Variants in BAHCC1 observed in about 807,000 individuals in gnomAD.
BAHCC1 encodes BAH domain and coiled-coil containing 1.
BAHCC1 carries 43 observed loss-of-function variants against 88.2 expected under a neutral mutation model. The observed-to-expected ratio is 0.49, with a 90% confidence interval of 0.38 to 0.63. The LOEUF is 0.63. Among genes scored for constraint, BAHCC1 ranks in the 20% least tolerant of loss-of-function variants. The pLI is 0.00. For synonymous variants in BAHCC1, 1,510 were observed against 745.5 expected (o/e 2.03, Z -16.71); for missense variants, 3,023 against 1,654.8 (o/e 1.83, Z -14.34).
rs868996063 is a variant in BAHCC1, at chr17:81,448,329, G to T, written c.3976+481G>T. 3.3e-5 allele frequency among the ~76,000 whole-genome samples: 5 copies of T among 152,244 alleles called. No individual in the cohort carries two copies. In the South Asian group the frequency reaches 8.3e-4, roughly 25 times the overall value. ...GAGGCTGGGGCTCCTGCTGCAGGGAGGCCTATGGGACTGGGAGCTCCTGGG... is the reference window on the plus strand; with the variant it reads ...GAGGCTGGGGCTCCTGCTGCAGGGATGCCTATGGGACTGGGAGCTCCTGGG... On this transcript the variant is annotated intron_variant, in intron 11 of 27. Transcript: ENST00000675386.
chr17:81,440,139 G>A (rs2064391024), intron 4 of BAHCC1, among the ~76,000 whole-genome samples: 1 of 152,196 alleles, frequency 6.6e-6, no homozygotes, highest in African/African-American at 2.4e-5. Context: ...AGCTCCTGTG[G>A]ACGGGCTCTG....
At chr17:81,463,293 AT>A (rs1365243459) in intron 27 of BAHCC1, among the ~76,000 whole-genome samples, 2 of 152,158 alleles carry the variant, frequency 1.3e-5, no homozygotes, top group East Asian at 3.9e-4. Flanking sequence ...TGAGACAGAA[AT>A]TGCACTCAGC....
At chr17:81,446,526 C>CCTT (rs2064530764) in intron 10 of BAHCC1, among the ~76,000 whole-genome samples, 2 of 49,224 alleles carry the variant, frequency 4.1e-5, no homozygotes, top group Admixed American at 2.9e-4. Flanking sequence ...CTGCTCACAC[C>CCTT]TTTTTTTTTT....
chr17:81,445,928 G>A (rs1284739297), intron 10 of BAHCC1, among the ~76,000 whole-genome samples: 2 of 152,258 alleles, frequency 1.3e-5, no homozygotes, highest in Non-Finnish European at 2.9e-5. Context: ...GGAGGAAGAC[G>A]GGGTCCCGCT....
chr17:81,461,688 A>G lies in BAHCC1; in HGVS notation c.7025A>G (p.Asn2342Ser). The change falls in exon 26 of 28, where the codon AAC becomes AGC. Residue 2342 changes from asparagine (N) to serine (S), a missense_variant. By Grantham distance (46) the Asn-to-Ser change is conservative (BLOSUM62 1). Transcript: ENST00000675386. ...ACCTCCAGCCTCTGCTCCTCCGACA[A>G]CGAGGACTCGTCCTACAGCTCAGAC... ...VSTSSLCSSD[N>S]EDSSYSSDDE... is the part of the protein sequence containing the mutation. 1.4e-6 allele frequency: 1 copy of G among 721,900 alleles called. No individual in the cohort carries two copies. The allele number at this position is 721,900 out of a possible 1,614,324, so 44.7% of individuals were successfully genotyped here.
At chr17:81,438,602 C>T (rs1388431974) in intron 4 of BAHCC1, 110 bp downstream of exon 4, 1 of 675,484 alleles carries the variant, frequency 1.5e-6, no homozygotes, top group Non-Finnish European at 2.7e-6. Flanking sequence ...GCCCTCCCAC[C>T]AGGTGTCATC....
intron 2 of BAHCC1, among the ~76,000 whole-genome samples, chr17:81,412,046 C>G (rs1335286174): frequency 6.6e-6 from 1 of 152,262 alleles, no homozygotes; most frequent in Admixed American, 6.5e-5. Context: ...AGCTGGTGAC[C>G]CCCAGGAGGC....
rs375527422 is a variant in BAHCC1, at chr17:81,458,474, T to C, written c.5343+8T>C. 18 of 700,190 alleles carry C rather than the reference T, an allele frequency of 2.6e-5. No homozygotes were observed. Among genetic ancestry groups the C allele is most frequent in the Admixed American group, 1.4e-4 (7 of 51,612 alleles). The allele number at this position is 700,190 out of a possible 1,614,324, so 43.4% of individuals were successfully genotyped here. ...CTGCAGCCAGTGCTGCGGGTGAGGC[T>C]GGGCTCTGGGGTGCTGGGCGGAGAG... On this transcript the variant is annotated splice_region_variant and intron_variant, in intron 18 of 27. Transcript: ENST00000675386.
intron 3 of BAHCC1, among the ~76,000 whole-genome samples, chr17:81,432,514 C>A (rs2064272098): frequency 6.6e-6 from 1 of 150,676 alleles, no homozygotes; most frequent in East Asian, 2.0e-4. Context: ...TGAGGGCGGC[C>A]CCAGCCTCGG....
intron 2 of BAHCC1, among the ~76,000 whole-genome samples, chr17:81,419,789 G>GT (rs1212230338): frequency 3.0e-4 from 43 of 144,714 alleles, no homozygotes; most frequent in Non-Finnish European, 5.9e-4. Flanking sequence ...TCAACGAGGC[G>GT]TTTTTTTTTT....
intron 6 of BAHCC1, 172 bp downstream of exon 6, chr17:81,444,089 G>T: frequency 1.6e-6 from 1 of 608,396 alleles, no homozygotes; most frequent in South Asian, 1.9e-5. Context: ...CTCACCCGGG[G>T]TTGGGGGTCT....
intron 5 of BAHCC1, 57 bp from the exon 6 acceptor site, chr17:81,443,752 C>G (rs781933829): frequency 1.4e-6 from 1 of 699,654 alleles, no homozygotes; most frequent in Non-Finnish European, 2.6e-6. Context: ...CTTGCCTTAG[C>G]TGGTGGCTCC....
rs1219413166 is a variant in BAHCC1, at chr17:81,446,209, AAAACCC to A, written c.3163+529_3163+534del. 3.3e-5 allele frequency among the ~76,000 whole-genome samples: 5 copies of A among 152,186 alleles called. No homozygotes were observed. In the East Asian group the frequency reaches 9.6e-4, roughly 29 times the overall value. ...ACACTGGAAACCGTGTGGCGAACATAAAACCCGTCCTAGTTTCACAGTCAGGAGATG... is the reference window on the plus strand; with the variant it reads ...ACACTGGAAACCGTGTGGCGAACATAGTCCTAGTTTCACAGTCAGGAGATG... On this transcript the variant is annotated intron_variant, in intron 10 of 27. Transcript: ENST00000675386.
At chr17:81,424,872 GA>G (rs2064156803) in intron 2 of BAHCC1, among the ~76,000 whole-genome samples, 1 of 151,654 alleles carries the variant, frequency 6.6e-6, no homozygotes, top group African/African-American at 2.4e-5. Context: ...TGGTGATGAT[GA>G]TGGTAGGTGA....
chr17:81,433,435 T>C (rs1238030859), intron 3 of BAHCC1, among the ~76,000 whole-genome samples: 4 of 151,722 alleles, frequency 2.6e-5, no homozygotes, highest in Admixed American at 1.3e-4. Flanking sequence ...AGGCCCCTCC[T>C]GTGCCCAGGG....
Position 81,462,003 on chromosome 17 carries a change from T to A in BAHCC1, c.7340T>A (p.Leu2447Gln). 1.3e-6 allele frequency: 1 copy of A among 778,238 alleles called. No individual in the cohort carries two copies. The highest frequency in any genetic ancestry group is 2.4e-5 in the East Asian group (1 of 41,210). The allele number at this position is 778,238 out of a possible 1,614,324, so 48.2% of individuals were successfully genotyped here. A position where few individuals can be genotyped will look rare whatever the true frequency, so the allele number is the denominator to read the frequency against. ...VENRPKISAF[L>Q]PARQLWKWSG... is the part of the protein sequence containing the mutation. ...AACCGGCCAAAGATCTCAGCCTTCC[T>A]GCCCGCCCGGCAGCTCTGGAAGTGG... Residue 2447 changes from leucine (L) to glutamine (Q), a missense_variant, in exon 26 of 28, where the codon CTG (leucine) becomes CAG (glutamine). By Grantham distance (113) the Leu-to-Gln change is moderately radical. Coordinates refer to ENST00000675386, the MANE Select transcript of BAHCC1 (RefSeq NM_001377448.1).
chr17:81,446,444 A>G (rs1359156556), intron 10 of BAHCC1, among the ~76,000 whole-genome samples: 11 of 140,274 alleles, frequency 7.8e-5, no homozygotes, highest in Non-Finnish European at 1.5e-5. Context: ...GGCCACCCCC[A>G]GCCCCGGCAG....
intron 2 of BAHCC1, among the ~76,000 whole-genome samples, chr17:81,400,508 C>T (rs544764875): frequency 9.8e-5 from 15 of 152,334 alleles, no homozygotes; most frequent in African/African-American, 3.6e-4. Flanking sequence ...CTCTGGTATC[C>T]CGCTAAAGCC....
chr17:81,456,765 A>G (rs1015461688), intron 16 of BAHCC1, among the ~76,000 whole-genome samples, 180 bp downstream of exon 16: 15 of 152,064 alleles, frequency 9.9e-5, no homozygotes, highest in African/African-American at 2.9e-4. Context: ...GGTCTCACGG[A>G]AGGAGACCCC....
Sources: allele counts gnomAD v4.1 joint callset (sites outside exome capture counted in the v4.1 genomes callset), GRCh38; gene constraint gnomAD v4.1.1; transcripts MANE v1.5; gene names NCBI Gene and HGNC (gene_info 2026-07-23, HGNC 2026-07-21).